The following CEP63 variants were observed in gnomAD, a reference collection of about 807,000 sequenced individuals.
CEP63 encodes centrosomal protein 63.
A neutral mutation model predicts 89.1 loss-of-function variants in CEP63; 84 were observed. The ratio of observed to expected loss-of-function variants is 0.94; its 90% CI spans 0.79 to 1.13. CEP63 has a LOEUF of 1.13. Among genes scored for constraint, CEP63 ranks in the 50% most tolerant of loss-of-function variants. The pLI, the probability that CEP63 is intolerant of heterozygous loss-of-function variation, is 0.00. For missense variants in CEP63, 838 were observed against 813.3 expected, an observed-to-expected ratio of 1.03 and a Z score of -0.37; for synonymous variants, 267 against 272.5, an observed-to-expected ratio of 0.98 and a Z score of 0.20.
chr3:134,523,982 G>A lies in CEP63; in HGVS notation c.223-7863G>A, dbSNP rs189786178. Among the ~76,000 whole-genome samples the A allele has an allele frequency of 3.3e-3, 509 of 152,314 alleles. 4 individuals carry two copies. Among genetic ancestry groups the A allele is most frequent in the African/African-American group, 0.011 (470 of 41,554 alleles). On this transcript the variant is annotated intron_variant, in intron 3 of 14. Coordinates refer to ENST00000675561, the MANE Select transcript of CEP63 (RefSeq NM_001353108.3). ...TTGAATCTATAAATTGCTTTGGGCA[G>A]TATAGCCATTTTAATGATACTGATT...
At chr3:134,495,113 C>T (rs774747779) in intron 1 of CEP63, among the ~76,000 whole-genome samples, 183 bp from the exon 2 acceptor site, 22 of 152,112 alleles carry the variant, frequency 1.4e-4, no homozygotes, top group Non-Finnish European at 3.2e-4. Flanking sequence ...CTGTTTTAGT[C>T]CGAAATAGTT....
chr3:134,670,744 G>T, the CEP63 span, among the ~76,000 whole-genome samples: 2 of 152,188 alleles, frequency 1.3e-5, no homozygotes, highest in African/African-American at 2.4e-5. Context: ...GCTTATCACA[G>T]CAGAGTTCAT....
the CEP63 span, among the ~76,000 whole-genome samples, chr3:134,740,484 A>G: frequency 2.0e-5 from 3 of 152,044 alleles, no homozygotes; most frequent in South Asian, 6.2e-4. Context: ...ATTTTAGTAG[A>G]GATGGGGGTT....
chr3:134,704,357 A>G, the CEP63 span, among the ~76,000 whole-genome samples: 1 of 152,180 alleles, frequency 6.6e-6, no homozygotes, highest in Admixed American at 6.5e-5. Flanking sequence ...TGTCTGCATC[A>G]TCAGCACCCA....
At chr3:134,750,388 T>A in the CEP63 span, among the ~76,000 whole-genome samples, 1 of 152,314 alleles carries the variant, frequency 6.6e-6, no homozygotes, top group South Asian at 2.1e-4. Flanking sequence ...TAGGGCTGCT[T>A]CTGGAACTCT....
chr3:134,683,206 G>A, the CEP63 span, among the ~76,000 whole-genome samples: 1 of 152,176 alleles, frequency 6.6e-6, no homozygotes, highest in Non-Finnish European at 1.5e-5. Flanking sequence ...GCCTTGCATG[G>A]TTTTCATCAT....
At position 134,535,079 on chromosome 3, in the gene CEP63, A is replaced by G. The variant is rs115819542; in HGVS notation, c.442-2076A>G. ...TTTTCTCTACTGGATATTTTTTACC[A>G]GCATCCAAATTTCCCTCCTCTTAAA... is the stretch of plus-strand genomic sequence containing the variant. On this transcript the variant is annotated intron_variant, in intron 5 of 14. Coordinates refer to ENST00000675561, the MANE Select transcript of CEP63 (RefSeq NM_001353108.3). Among the ~76,000 whole-genome samples, 750 of 152,082 alleles carry G rather than the reference A, an allele frequency of 4.9e-3. 4 individuals are homozygous for G. Among genetic ancestry groups the G allele is most frequent in the African/African-American group, 0.017 (721 of 41,470 alleles).
intron 10 of CEP63, among the ~76,000 whole-genome samples, chr3:134,581,864 A>G (rs1253570963): frequency 6.6e-6 from 1 of 150,888 alleles, no homozygotes; most frequent in Non-Finnish European, 1.5e-5. Context: ...TTTAGTAGAG[A>G]CGGGGTTTCA....
chr3:134,512,945 A>G (rs1461802408), intron 3 of CEP63, among the ~76,000 whole-genome samples: 3 of 152,084 alleles, frequency 2.0e-5, no homozygotes. Context: ...TCTCACTTTC[A>G]TTTGGTTTTT....
rs181086100 is a variant in CEP63, at chr3:134,580,254, A to G, written c.1207-7204A>G. On this transcript the variant is annotated intron_variant, in intron 10 of 10. Transcript: ENST00000683931. ...AAAAGATTATATATTGTATGAATCC[A>G]TTTATATAAAGTCAGGAAGGCAAAT... 2.4e-3 allele frequency among the ~76,000 whole-genome samples: 365 copies of G among 152,134 alleles called. 2 individuals carry two copies. The highest frequency in any genetic ancestry group is 4.6e-3 in the Non-Finnish European group (313 of 67,998).
intron 5 of CEP63, 67 bp downstream of exon 5, chr3:134,532,967 A>G: frequency 6.4e-7 from 1 of 1,559,488 alleles, no homozygotes; most frequent in Non-Finnish European, 8.8e-7. Context: ...GCGGTTTCTA[A>G]TGGCACTATT....
At chr3:134,734,462 A>G in the CEP63 span, among the ~76,000 whole-genome samples, 35 of 152,228 alleles carry the variant, frequency 2.3e-4, no homozygotes, top group African/African-American at 8.4e-4. Context: ...CAAAATAGAT[A>G]ACATTTAGGC....
At chr3:134,569,464 G>A (rs370733693), downstream of CEP63, among the ~76,000 whole-genome samples, 11 of 152,354 alleles carry the variant, frequency 7.2e-5, no homozygotes, top group African/African-American at 2.4e-4. Flanking sequence ...ATGCAAGTCC[G>A]AAATCCAGCG....
chr3:134,600,524 G>A, the CEP63 span, among the ~76,000 whole-genome samples: 3 of 152,208 alleles, frequency 2.0e-5, no homozygotes, highest in Non-Finnish European at 4.4e-5. Flanking sequence ...GTCCAGCTGA[G>A]CTATGGCACT....
the CEP63 span, among the ~76,000 whole-genome samples, chr3:134,742,504 T>C: frequency 6.6e-6 from 1 of 152,220 alleles, no homozygotes; most frequent in African/African-American, 2.4e-5. Flanking sequence ...CAGGCCAGTT[T>C]TCTGAGTGGT....
At chr3:134,696,203 T>A in the CEP63 span, among the ~76,000 whole-genome samples, 1 of 152,218 alleles carries the variant, frequency 6.6e-6, no homozygotes. Context: ...AAGGCAGACA[T>A]GTCGCTGTGG....
chr3:134,603,340 A>G, the CEP63 span: 2 of 448,724 alleles, frequency 4.5e-6, no homozygotes, highest in African/African-American at 2.0e-5. Flanking sequence ...AGATTTACAT[A>G]GCACCTTTTC....
chr3:134,698,821 A>G, the CEP63 span, among the ~76,000 whole-genome samples: 5 of 152,312 alleles, frequency 3.3e-5, no homozygotes, highest in East Asian at 7.7e-4. Context: ...CACTTCATTC[A>G]TCCATCGTTT....
chr3:134,691,883 C>A, the CEP63 span, among the ~76,000 whole-genome samples: 2 of 152,130 alleles, frequency 1.3e-5, no homozygotes, highest in South Asian at 4.2e-4. Context: ...CCACATCCAG[C>A]TAATTTTTAG....
Sources: allele counts gnomAD v4.1 joint callset (sites outside exome capture counted in the v4.1 genomes callset), GRCh38; gene constraint gnomAD v4.1.1; transcripts MANE v1.5; gene names NCBI Gene and HGNC (gene_info 2026-07-23, HGNC 2026-07-21).